AGBL1: variants seen among roughly 807,000 people sequenced by gnomAD.
AGBL1 encodes the protein cytosolic carboxypeptidase 4.
In AGBL1, 130 loss-of-function variants were observed where a neutral mutation model predicts 118.9. The ratio of observed to expected loss-of-function variants is 1.09; its 90% CI spans 0.95 to 1.26. AGBL1 has a LOEUF of 1.26. Among genes scored for constraint, AGBL1 ranks in the 50% most tolerant of loss-of-function variants. The probability of loss-of-function intolerance (pLI) is 0.00; values close to 1 mark genes in which losing one functional copy is unlikely to be tolerated. For synonymous variants in AGBL1, 555 were observed against 478.9 expected (o/e 1.16, Z -2.08); for missense variants, 1,584 against 1,298.1 (o/e 1.22, Z -3.38).
chr15:86,208,525 G>A (rs560156909), intron 5 of AGBL1, among the ~76,000 whole-genome samples: 6 of 152,166 alleles, frequency 3.9e-5, no homozygotes, highest in East Asian at 1.9e-4. Context: ...CAGAGATTCA[G>A]CTTCTTCCTG....
At chr15:86,955,760 T>C (rs745899985) in intron 23 of AGBL1, among the ~76,000 whole-genome samples, 67 of 152,176 alleles carry the variant, frequency 4.4e-4, no homozygotes, top group South Asian at 6.2e-4. Context: ...AGAAGAAAAA[T>C]GAAAATCAAC....
At chr15:86,085,976 C>A (rs1895618686) in intron 1 of AGBL1, among the ~76,000 whole-genome samples, 1 of 152,194 alleles carries the variant, frequency 6.6e-6, no homozygotes, top group South Asian at 2.1e-4. Flanking sequence ...TCCCTGAACA[C>A]CCACCTCTGC....
chr15:86,080,215 G>A (rs967942515), intron 1 of AGBL1, 192 bp downstream of exon 1: 5 of 398,054 alleles, frequency 1.3e-5, no homozygotes, highest in Non-Finnish European at 2.2e-5. Flanking sequence ...TAAACACGAC[G>A]ATGTTGATGA....
intron 22 of AGBL1, among the ~76,000 whole-genome samples, chr15:86,731,015 G>C (rs1417672377): frequency 1.3e-5 from 2 of 151,848 alleles, no homozygotes; most frequent in African/African-American, 4.8e-5. Flanking sequence ...ATTTTTAATA[G>C]AGACATGGTT....
At chr15:86,844,648 C>T (rs1284847563) in intron 22 of AGBL1, among the ~76,000 whole-genome samples, 4 of 152,086 alleles carry the variant, frequency 2.6e-5, no homozygotes, top group Non-Finnish European at 4.4e-5. Flanking sequence ...TATTGTCTCC[C>T]AGTCTGTGGC....
chr15:87,002,018 A>G (rs2081444232), intron 24 of AGBL1, among the ~76,000 whole-genome samples: 1 of 151,952 alleles, frequency 6.6e-6, no homozygotes. Context: ...TTTGGTTGCC[A>G]TTGCTTTTGG....
intron 18 of AGBL1, among the ~76,000 whole-genome samples, chr15:86,485,757 T>C (rs1328406033): frequency 6.6e-6 from 1 of 152,116 alleles, no homozygotes; most frequent in Non-Finnish European, 1.5e-5. Context: ...TATTGAGATG[T>C]GTTTAATTTT....
intron 6 of AGBL1, among the ~76,000 whole-genome samples, chr15:86,239,753 C>A (rs927605788): frequency 6.6e-6 from 1 of 152,212 alleles, no homozygotes; most frequent in Non-Finnish European, 1.5e-5. Flanking sequence ...AAAAGCCACT[C>A]TTCAAGCACC....
chr15:86,206,334 T>C (rs1219755487), intron 5 of AGBL1, among the ~76,000 whole-genome samples: 1 of 152,224 alleles, frequency 6.6e-6, no homozygotes, highest in Non-Finnish European at 1.5e-5. Context: ...TACCCAGTGA[T>C]AGGATGGCTG....
intron 21 of AGBL1, among the ~76,000 whole-genome samples, chr15:86,586,164 C>T (rs1462132125): frequency 6.6e-6 from 1 of 152,154 alleles, no homozygotes; most frequent in Non-Finnish European, 1.5e-5. Flanking sequence ...AATAAATCCC[C>T]CTCTCTCTTG....
At chr15:86,776,170 G>C (rs530897653) in intron 22 of AGBL1, among the ~76,000 whole-genome samples, 4 of 152,218 alleles carry the variant, frequency 2.6e-5, no homozygotes, top group Non-Finnish European at 4.4e-5. Flanking sequence ...TCATTCTAAT[G>C]GCTGTATATG....
At chr15:86,542,588 G>A (rs1248784188) in intron 19 of AGBL1, among the ~76,000 whole-genome samples, 4 of 151,876 alleles carry the variant, frequency 2.6e-5, no homozygotes, top group Admixed American at 6.6e-5. Flanking sequence ...GGCTGGTCTC[G>A]AACTCCTGAC....
chr15:86,170,118 C>G (rs28565022), intron 5 of AGBL1, among the ~76,000 whole-genome samples: 1 of 152,146 alleles, frequency 6.6e-6, no homozygotes, highest in Non-Finnish European at 1.5e-5. Context: ...CATTAAAGAG[C>G]TATTCTAACT....
At chr15:86,358,814 C>T (rs150142062) in intron 17 of AGBL1, among the ~76,000 whole-genome samples, 5 of 151,818 alleles carry the variant, frequency 3.3e-5, no homozygotes, top group African/African-American at 1.2e-4. Context: ...GCTGTTTGTA[C>T]GTTTTTTCTT....
At chr15:86,813,114 G>C (rs1228824176) in intron 22 of AGBL1, among the ~76,000 whole-genome samples, 1 of 152,062 alleles carries the variant, frequency 6.6e-6, no homozygotes, top group Non-Finnish European at 1.5e-5. Context: ...GGGAAGATGA[G>C]GGAGTGCGTA....
At position 86,796,792 on chromosome 15, in the gene AGBL1, T is replaced by G. The variant is rs561017982; in HGVS notation, c.3159-110295T>G. Reference sequence around the variant, plus strand: ...GTTGACTATTTGCATCAGAGACTGTTTAGTCCACAAAGCGATACTGTCTGG... The same window carrying G: ...GTTGACTATTTGCATCAGAGACTGTGTAGTCCACAAAGCGATACTGTCTGG... On this transcript the variant is annotated intron_variant, in intron 22 of 22. Coordinates refer to ENST00000614907, the MANE Select transcript of AGBL1 (RefSeq NM_001386094.1). Among the ~76,000 whole-genome samples, 8 of 152,352 alleles carry G rather than the reference T, an allele frequency of 5.3e-5. No homozygotes were observed. In the South Asian group the frequency reaches 1.7e-3, roughly 32 times the overall value.
chr15:86,993,975 C>T (rs1217197424), intron 24 of AGBL1, among the ~76,000 whole-genome samples: 21 of 152,094 alleles, frequency 1.4e-4, no homozygotes, highest in Admixed American at 1.3e-3. Flanking sequence ...TCCCATCCAT[C>T]CTGCCAAACC....
chr15:86,795,878 G>A (rs920258568), intron 22 of AGBL1, among the ~76,000 whole-genome samples: 1 of 151,486 alleles, frequency 6.6e-6, no homozygotes, highest in Non-Finnish European at 1.5e-5. Context: ...GAGCCATCCT[G>A]CCTGGCCGGT....
intron 5 of AGBL1, among the ~76,000 whole-genome samples, chr15:86,160,429 C>G (rs1438769715): frequency 6.6e-6 from 1 of 152,124 alleles, no homozygotes; most frequent in African/African-American, 2.4e-5. Context: ...TCACTCTTCT[C>G]CCCCCACTTC....
Sources: allele counts gnomAD v4.1 joint callset (sites outside exome capture counted in the v4.1 genomes callset), GRCh38; gene constraint gnomAD v4.1.1; transcripts MANE v1.5; gene names NCBI Gene and HGNC (gene_info 2026-07-23, HGNC 2026-07-21).